The following GRM1 variants were observed in gnomAD, a reference collection of about 807,000 sequenced individuals.
GRM1 encodes metabotropic glutamate receptor 1.
In GRM1, 33 loss-of-function variants were observed where a neutral mutation model predicts 90.9. That is an observed-to-expected ratio of 0.36 (90% confidence interval 0.28 to 0.49). The LOEUF (loss-of-function observed/expected upper bound fraction) is 0.49, where lower values mean the gene tolerates loss of function less well. GRM1 is among the 20% of genes least tolerant of loss of function. GRM1 has a pLI of 0.99. For missense variants in GRM1, 1,190 were observed against 1,534.3 expected (o/e 0.78, Z 3.75); for synonymous variants, 700 against 613.2 (o/e 1.14, Z -2.09).
intron 1 of GRM1, among the ~76,000 whole-genome samples, chr6:146,063,893 T>G (rs145032316): frequency 2.0e-3 from 297 of 152,290 alleles, no homozygotes; most frequent in African/African-American, 6.0e-3. Context: ...TACAGCCAAA[T>G]TATTATCTAT....
At chr6:146,324,850 AC>A (rs1474177383) in intron 3 of GRM1, among the ~76,000 whole-genome samples, 3 of 151,734 alleles carry the variant, frequency 2.0e-5, no homozygotes, top group African/African-American at 7.3e-5. Flanking sequence ...GGAGCTGCAG[AC>A]CTGCACTGTT....
At chr6:146,179,709 G>T (rs1778472898) in intron 2 of GRM1, among the ~76,000 whole-genome samples, 1 of 152,084 alleles carries the variant, frequency 6.6e-6, no homozygotes, top group African/African-American at 2.4e-5. Context: ...AGTAGACGGG[G>T]TTTCACTGTG....
chr6:146,413,168 ATT>A (rs1777631117), intron 7 of GRM1, among the ~76,000 whole-genome samples: 1 of 152,044 alleles, frequency 6.6e-6, no homozygotes, highest in African/African-American at 2.4e-5. Flanking sequence ...CAGGGTGCAC[ATT>A]TTATTTTTCT....
intron 1 of GRM1, among the ~76,000 whole-genome samples, chr6:146,156,792 G>T (rs2128890109): frequency 6.6e-6 from 1 of 152,322 alleles, no homozygotes; most frequent in African/African-American, 2.4e-5. Context: ...GAATGTTCTA[G>T]AGATAAGGGC....
intron 2 of GRM1, among the ~76,000 whole-genome samples, chr6:146,181,263 A>C (rs1365912080): frequency 2.0e-5 from 3 of 152,112 alleles, no homozygotes; most frequent in African/African-American, 7.2e-5. Context: ...AAAAAACCAC[A>C]ACAAAAATCC....
At chr6:146,112,932 T>C (rs1775614714) in intron 1 of GRM1, among the ~76,000 whole-genome samples, 1 of 152,218 alleles carries the variant, frequency 6.6e-6, no homozygotes, top group South Asian at 2.1e-4. Context: ...TAGCTCACTT[T>C]GGAAACAATC....
intron 2 of GRM1, among the ~76,000 whole-genome samples, chr6:146,206,822 G>A (rs544190677): frequency 6.6e-6 from 1 of 152,100 alleles, no homozygotes; most frequent in South Asian, 2.1e-4. Context: ...CACTAGAGTA[G>A]ACCCCAGAGT....
intron 7 of GRM1, among the ~76,000 whole-genome samples, chr6:146,414,719 C>T (rs1377761634): frequency 3.9e-5 from 6 of 152,158 alleles, no homozygotes; most frequent in African/African-American, 7.2e-5. Flanking sequence ...TATTATTAAT[C>T]GTATAATCTG....
At chr6:146,137,618 T>C (rs1392846927) in intron 1 of GRM1, among the ~76,000 whole-genome samples, 2 of 152,192 alleles carry the variant, frequency 1.3e-5, no homozygotes, top group Non-Finnish European at 2.9e-5. Context: ...TTTTTTTCCC[T>C]CAGGATAGCT....
At chr6:146,322,279 C>T (rs1042659944) in intron 3 of GRM1, among the ~76,000 whole-genome samples, 6 of 152,170 alleles carry the variant, frequency 3.9e-5, no homozygotes, top group African/African-American at 1.4e-4. Context: ...GAAGCTTCAT[C>T]CCAGAGGGTA....
At chr6:146,054,617 T>G (rs1322712674) in intron 1 of GRM1, among the ~76,000 whole-genome samples, 2 of 152,234 alleles carry the variant, frequency 1.3e-5, no homozygotes, top group East Asian at 3.9e-4. Flanking sequence ...TAGACATTCA[T>G]TTCTCACATT....
intron 1 of GRM1, among the ~76,000 whole-genome samples, chr6:146,118,598 C>T (rs1775855932): frequency 6.6e-6 from 1 of 152,208 alleles, no homozygotes; most frequent in Admixed American, 6.5e-5. Context: ...CCACTACTCC[C>T]ACCCTGCAAC....
At chr6:146,318,014 C>T (rs901825892) in intron 3 of GRM1, among the ~76,000 whole-genome samples, 26 of 152,244 alleles carry the variant, frequency 1.7e-4, no homozygotes, top group Non-Finnish European at 2.8e-4. Flanking sequence ...TTTTTAAAAA[C>T]TTATACTTTA....
chr6:146,234,227 C>T (rs1780550256), intron 2 of GRM1, among the ~76,000 whole-genome samples: 1 of 151,820 alleles, frequency 6.6e-6, no homozygotes, highest in African/African-American at 2.4e-5. Flanking sequence ...TTCTTTCATA[C>T]TTTAAGTGAG....
chr6:146,172,746 G>A (rs1170732844), intron 2 of GRM1, among the ~76,000 whole-genome samples: 1 of 152,182 alleles, frequency 6.6e-6, no homozygotes, highest in African/African-American at 2.4e-5. Context: ...GTCTTAGAGG[G>A]TAGGTTAGTG....
intron 2 of GRM1, among the ~76,000 whole-genome samples, chr6:146,208,663 A>G (rs1164284892): frequency 1.3e-5 from 2 of 152,180 alleles, no homozygotes; most frequent in Non-Finnish European, 2.9e-5. Flanking sequence ...TTTCACATAT[A>G]TACGTATTTA....
chr6:146,079,595 T>C (rs1261800629), intron 1 of GRM1, among the ~76,000 whole-genome samples: 8 of 152,198 alleles, frequency 5.3e-5, no homozygotes, highest in African/African-American at 1.9e-4. Context: ...GAGAAAACTT[T>C]GGTACAGATG....
chr6:146,266,864 C>T (rs1781908024), intron 2 of GRM1, among the ~76,000 whole-genome samples: 1 of 152,172 alleles, frequency 6.6e-6, no homozygotes, highest in Admixed American at 6.5e-5. Context: ...GAGCAAATTC[C>T]ATAACAGGAT....
At position 146,434,503 on chromosome 6, in the gene GRM1, G is replaced by A. The variant is rs1778529341; in HGVS notation, c.3292G>A (p.Asp1098Asn). 8 of 1,614,080 alleles carry A rather than the reference G, an allele frequency of 5.0e-6. No individual in the cohort carries two copies. The highest frequency in any genetic ancestry group is 6.8e-6 in the Non-Finnish European group (8 of 1,180,006). The change falls in exon 8 of 8, where the codon GAC becomes AAC. Residue 1098 changes from aspartate to asparagine, a missense_variant. Physicochemically the swap from Asp to Asn is conservative, Grantham distance 23. This residue lies in a region of GRM1 where 400 missense variants were observed against 360.8 expected (regional missense o/e 1.11). Coordinates refer to ENST00000282753, the MANE Select transcript of GRM1 (RefSeq NM_001278064.2). ...ELVSPPADDD[D>N]DSERFKLLQE... Reference sequence around the variant, plus strand: ...GGTCTCCCCGCCCGCGGACGACGACGACGACAGCGAGAGGTTTAAGCTCCT... The same window carrying A: ...GGTCTCCCCGCCCGCGGACGACGACAACGACAGCGAGAGGTTTAAGCTCCT...
Sources: allele counts gnomAD v4.1 joint callset (sites outside exome capture counted in the v4.1 genomes callset), GRCh38; gene constraint gnomAD v4.1.1; regional missense constraint gnomAD v4.1.1; transcripts MANE v1.5; gene names NCBI Gene and HGNC (gene_info 2026-07-23, HGNC 2026-07-21).